The following PCBP3 variants were observed in gnomAD, a reference collection of about 807,000 sequenced individuals.
PCBP3 encodes poly(rC)-binding protein 3.
PCBP3 carries 25 observed loss-of-function variants against 52.7 expected under a neutral mutation model. The observed-to-expected ratio is 0.47, with a 90% CI of 0.35 to 0.66. The LOEUF is 0.66. PCBP3 is among the 30% of genes least tolerant of loss of function. PCBP3 has a pLI of 0.01. For missense variants in PCBP3, 391 were observed against 490.3 expected (o/e 0.80, Z 1.91); for synonymous variants, 162 against 183.0 (o/e 0.89, Z 0.93).
At chr21:45,869,538 C>T (rs951787087) in intron 5 of PCBP3, among the ~76,000 whole-genome samples, 1 of 152,146 alleles carries the variant, frequency 6.6e-6, no homozygotes, top group Admixed American at 6.5e-5. Context: ...TTGGGGTGAC[C>T]GCTGCTCCTG....
At chr21:45,679,554 T>G (rs1369925630) in intron 2 of PCBP3, among the ~76,000 whole-genome samples, 3 of 152,238 alleles carry the variant, frequency 2.0e-5, no homozygotes. Flanking sequence ...TGTGACTTGC[T>G]TTAATTTAAT....
At chr21:45,820,750 C>T (rs1474610733) in intron 4 of PCBP3, among the ~76,000 whole-genome samples, 4 of 152,158 alleles carry the variant, frequency 2.6e-5, no homozygotes, top group African/African-American at 7.2e-5. Context: ...GCTGCCACCT[C>T]GTGGCAGGGC....
chr21:45,939,952 C>A, intron 16 of PCBP3, 78 bp from the exon 17 acceptor site: 1 of 1,365,112 alleles, frequency 7.3e-7, no homozygotes, highest in Non-Finnish European at 1.0e-6. Flanking sequence ...CCCACCGGCC[C>A]CCTCGGGCGC....
chr21:45,748,348 G>T (rs1000120266), intron 3 of PCBP3, among the ~76,000 whole-genome samples: 3 of 152,136 alleles, frequency 2.0e-5, no homozygotes, highest in African/African-American at 7.2e-5. Context: ...ATGCCTTTGC[G>T]CCATAGGCCC....
At chr21:45,794,642 C>T (rs1271136819) in intron 4 of PCBP3, among the ~76,000 whole-genome samples, 1 of 152,196 alleles carries the variant, frequency 6.6e-6, no homozygotes, top group African/African-American at 2.4e-5. Flanking sequence ...TTAAAAATGA[C>T]CCAGAGGCCG....
rs140546619 is a variant in PCBP3 at position 45,934,132 on chromosome 21, T to C, written c.857-1121T>C. Among the ~76,000 whole-genome samples, 550 of 152,048 alleles carry C rather than the reference T, an allele frequency of 3.6e-3. 2 individuals carry two copies. The highest frequency in any genetic ancestry group is 0.013 in the African/African-American group (532 of 41,478). ...GGGGTGGGAGGAGGGCTCCCCAGTC[T>C]GGGGTATTCTGAAGGTACATCAGCT... On this transcript the variant is annotated intron_variant, in intron 15 of 17. Transcript: ENST00000681687.
At chr21:45,723,813 G>A (rs1435881241) in intron 2 of PCBP3, among the ~76,000 whole-genome samples, 3 of 152,168 alleles carry the variant, frequency 2.0e-5, no homozygotes, top group Non-Finnish European at 4.4e-5. Flanking sequence ...TCATGGCCAT[G>A]CCACTTTTGA....
intron 8 of PCBP3, among the ~76,000 whole-genome samples, 162 bp downstream of exon 8, chr21:45,900,785 T>A (rs2096013871): frequency 6.6e-6 from 1 of 152,194 alleles, no homozygotes; most frequent in African/African-American, 2.4e-5. Flanking sequence ...CCTCCTGTGC[T>A]CCCCTGTGGG....
At chr21:45,820,540 T>C (rs1194272407) in intron 4 of PCBP3, among the ~76,000 whole-genome samples, 1 of 152,146 alleles carries the variant, frequency 6.6e-6, no homozygotes, top group Non-Finnish European at 1.5e-5. Context: ...TGCGTGGCCT[T>C]GACCTGGTGC....
chr21:45,777,569 T>C (rs2090347964), intron 4 of PCBP3, among the ~76,000 whole-genome samples: 2 of 152,232 alleles, frequency 1.3e-5, no homozygotes, highest in African/African-American at 4.8e-5. Flanking sequence ...ATTCTATCAC[T>C]TTATGTTGTT....
chr21:45,837,398 C>T lies in PCBP3; in HGVS notation c.-125-12563C>T, dbSNP rs1045377227. Among the ~76,000 whole-genome samples, 6 of 152,248 alleles carry T rather than the reference C, an allele frequency of 3.9e-5. No individual in the cohort carries two copies. Among genetic ancestry groups the T allele is most frequent in the East Asian group, 1.9e-4 (1 of 5,194 alleles). ...GTGCAAGCCACAGGCAGCAGCACAG[C>T]GCTGCAGAGCTCCCAGGATGCTGGC... On this transcript the variant is annotated intron_variant, in intron 4 of 17. Transcript: ENST00000681687. The surrounding 1 kb of genome is among the most constrained non-coding windows in gnomAD (Gnocchi z 4.1).
intron 3 of PCBP3, among the ~76,000 whole-genome samples, chr21:45,740,111 CAG>C (rs149998380): frequency 0.16 from 24,605 of 152,162 alleles, 2,123 homozygotes; most frequent in Middle Eastern, 0.32. Flanking sequence ...GTCTATGCCT[CAG>C]AGTTAAGGAG....
intron 4 of PCBP3, among the ~76,000 whole-genome samples, chr21:45,846,967 A>G (rs1488138555): frequency 6.6e-6 from 1 of 152,236 alleles, no homozygotes; most frequent in Non-Finnish European, 1.5e-5. Context: ...AAAACCATTT[A>G]CATTTACTCA....
At chr21:45,777,473 G>A (rs766078289) in intron 4 of PCBP3, among the ~76,000 whole-genome samples, 2 of 152,130 alleles carry the variant, frequency 1.3e-5, no homozygotes, top group Non-Finnish European at 2.9e-5. Context: ...TGCTAGACTT[G>A]AAAAGTTTTC....
In PCBP3 at chr21:45,939,940, G is replaced by A. The variant is rs1026146890; in HGVS notation, c.910-90G>A. The A allele has an allele frequency of 1.9e-4, 231 of 1,237,412 alleles. 1 individual carries two copies. Among genetic ancestry groups the A allele is most frequent in the Admixed American group, 9.5e-5 (5 of 52,858 alleles). 76.7% of individuals were successfully genotyped at this position (1,237,412 alleles called of 1,614,324 possible). ...GGGCAGAGTCCAAGGCTGGCGGCCC[G>A]TCCCACCGGCCCCCTCGGGCGCACT... On this transcript the variant is annotated intron_variant, in intron 16 of 17. Coordinates refer to ENST00000681687, the MANE Select transcript of PCBP3 (RefSeq NM_001384156.1).
intron 4 of PCBP3, among the ~76,000 whole-genome samples, chr21:45,782,841 G>A (rs562987655): frequency 9.8e-5 from 15 of 152,316 alleles, no homozygotes; most frequent in East Asian, 1.9e-4. Context: ...GAGCCCAGCC[G>A]GCATACGGCA....
chr21:45,910,121 TACGGACCCCCCCCACCACTG>T (rs1439427547), intron 10 of PCBP3, among the ~76,000 whole-genome samples: 2 of 2,796 alleles, frequency 7.2e-4, no homozygotes, highest in Non-Finnish European at 1.0e-3. Flanking sequence ...ACTGCCCAGA[TACGGACCCCCCCCACCACTG>T]CCCAGATATG....
intron 13 of PCBP3, among the ~76,000 whole-genome samples, chr21:45,923,037 T>G (rs772687494): frequency 1.0e-4 from 16 of 152,382 alleles, no homozygotes; most frequent in Non-Finnish European, 1.9e-4. Context: ...GATGCGGCCC[T>G]TCATCCCAGC....
At chr21:45,877,052 C>T (rs1229749493) in intron 5 of PCBP3, among the ~76,000 whole-genome samples, 1 of 152,258 alleles carries the variant, frequency 6.6e-6, no homozygotes, top group Non-Finnish European at 1.5e-5. Context: ...ATGTTAATAT[C>T]CAAACCTATT....
Sources: allele counts gnomAD v4.1 joint callset (sites outside exome capture counted in the v4.1 genomes callset), GRCh38; gene constraint gnomAD v4.1.1; non-coding constraint Gnocchi (gnomAD v3.1); transcripts MANE v1.5; gene names NCBI Gene and HGNC (gene_info 2026-07-23, HGNC 2026-07-21).